The following ITGB2 variants were observed in gnomAD, a reference collection of about 807,000 sequenced individuals.
ITGB2 encodes the protein integrin beta-2.
ITGB2 carries 56 observed loss-of-function variants against 86.8 expected under a neutral mutation model. The ratio of observed to expected loss-of-function variants is 0.65; its 90% CI spans 0.52 to 0.81. ITGB2 has a LOEUF of 0.81. Among genes scored for constraint, ITGB2 ranks in the 30% least tolerant of loss-of-function variants. The probability of loss-of-function intolerance (pLI) is 0.00; values close to 1 mark genes in which losing one functional copy is unlikely to be tolerated. For synonymous variants in ITGB2, 457 were observed against 450.4 expected, an observed-to-expected ratio of 1.01 and a Z score of -0.19; for missense variants, 948 against 1,061.2, an observed-to-expected ratio of 0.89 and a Z score of 1.48.
chr21:44,901,780 G>A lies in ITGB2; in HGVS notation c.500-47C>T, dbSNP rs2083963391. 3.8e-6 allele frequency: 6 copies of A among 1,580,490 alleles called. No individual in the cohort carries two copies. In the South Asian group the frequency reaches 4.6e-5, roughly 12 times the overall value. ...TGGGGAGGTGGCAGGCTGGGCCCAG[G>A]TGGGAGGGCCAGCTTCAAAGGGGCA... On this transcript the variant is annotated intron_variant, in intron 5 of 15. Coordinates refer to ENST00000652462, the MANE Select transcript of ITGB2 (RefSeq NM_000211.5).
At position 44,918,935 on chromosome 21, in the gene ITGB2, A is replaced by AGCATCCCCTCTCCCAGCACTCGGGGCTG. The variant is rs1601334608; in HGVS notation, c.-4+1885_-4+1886insCAGCCCCGAGTGCTGGGAGAGGGGATGC. The stretch of plus-strand genomic sequence containing the variant: ...TTGAGGCAAAGGCCCTTGGGTGGCT[A>AGCATCCCCTCTCCCAGCACTCGGGGCTG]AGCGTCCCCTCTCCCAGCACTCGGA... On this transcript the variant is annotated intron_variant, in intron 1 of 15. Coordinates refer to ENST00000652462, the MANE Select transcript of ITGB2 (RefSeq NM_000211.5). Among the ~76,000 whole-genome samples, 2 of 111,810 alleles carry AGCATCCCCTCTCCCAGCACTCGGGGCTG rather than the reference A, an allele frequency of 1.8e-5. 1 individual carries two copies. The highest frequency in any genetic ancestry group is 3.7e-5 in the Non-Finnish European group (2 of 53,686). 73.4% of individuals were successfully genotyped at this position (111,810 alleles called of 152,430 possible).
At chr21:44,925,422 G>GGGAAGGAAGGAA (rs71334040), upstream of ITGB2, among the ~76,000 whole-genome samples, 76 of 54,730 alleles carry the variant, frequency 1.4e-3, no homozygotes, top group East Asian at 1.8e-3. Context: ...GAGGGAGGGA[G>GGGAAGGAAGGAA]GGAAGGAAGG....
intron 5 of ITGB2, 52 bp downstream of exon 5, chr21:44,903,312 TG>T: frequency 6.2e-7 from 1 of 1,607,708 alleles, no homozygotes; most frequent in Non-Finnish European, 8.5e-7. Flanking sequence ...CAGGCAGGAG[TG>T]GCCAGGGTCT....
intron 5 of ITGB2, among the ~76,000 whole-genome samples, 190 bp downstream of exon 5, chr21:44,903,175 A>G (rs1347985931): frequency 3.9e-5 from 6 of 152,214 alleles, no homozygotes; most frequent in Non-Finnish European, 5.9e-5. Context: ...TTGGGGAGCC[A>G]GGGACTGGGT....
chr21:44,902,573 G>C (rs927004175), intron 5 of ITGB2, among the ~76,000 whole-genome samples: 9 of 151,940 alleles, frequency 5.9e-5, no homozygotes, highest in African/African-American at 2.2e-4. Flanking sequence ...TTGAGTTTGG[G>C]TGTGCTTTTG....
At chr21:44,907,546 A>G (rs2084062098) in intron 3 of ITGB2, among the ~76,000 whole-genome samples, 2 of 152,220 alleles carry the variant, frequency 1.3e-5, no homozygotes, top group South Asian at 2.1e-4. Context: ...CAAGCCCCTC[A>G]AAGTTTAGAA....
chr21:44,908,875 G>T (rs1053112306), intron 3 of ITGB2, among the ~76,000 whole-genome samples: 5 of 152,194 alleles, frequency 3.3e-5, no homozygotes, highest in African/African-American at 1.2e-4. Context: ...GGTAGAACGG[G>T]GATGCATGGA....
At chr21:44,916,593 C>T (rs574692161) in intron 1 of ITGB2, among the ~76,000 whole-genome samples, 6 of 152,218 alleles carry the variant, frequency 3.9e-5, no homozygotes, top group East Asian at 3.9e-4. Flanking sequence ...GGAGGCCGGG[C>T]ATGGTGGCTC....
At chr21:44,889,039 A>T in intron 13 of ITGB2, 144 bp from the exon 14 acceptor site, 1 of 723,668 alleles carries the variant, frequency 1.4e-6, no homozygotes, top group Non-Finnish European at 2.4e-6. Flanking sequence ...AGTGGGGCAG[A>T]TGCGGGTGCA....
At chr21:44,893,191 AG>A in intron 10 of ITGB2, 1 of 560,738 alleles carries the variant, frequency 1.8e-6, no homozygotes, top group African/African-American at 1.9e-5. Flanking sequence ...GGAAAGAAAC[AG>A]GGTCCTTCCA....
At chr21:44,894,489 G>T in intron 9 of ITGB2, 1 of 235,722 alleles carries the variant, frequency 4.2e-6, no homozygotes, top group Non-Finnish European at 8.6e-6. Context: ...CCAGGGTGCA[G>T]CTCGATGGGC....
chr21:44,905,713 G>T (rs919526344), intron 4 of ITGB2, among the ~76,000 whole-genome samples: 2 of 152,148 alleles, frequency 1.3e-5, no homozygotes, highest in Non-Finnish European at 2.9e-5. Flanking sequence ...TACCACCAGG[G>T]TGGGGTTTTG....
At chr21:44,894,425 C>T (rs2083833866) in intron 9 of ITGB2, 7 of 190,296 alleles carry the variant, frequency 3.7e-5, no homozygotes, top group Admixed American at 2.1e-4. Context: ...GCACCTAGTG[C>T]GCACCTATGC....
At chr21:44,917,635 C>CCTCT (rs1445000533) in intron 1 of ITGB2, among the ~76,000 whole-genome samples, 1 of 152,138 alleles carries the variant, frequency 6.6e-6, no homozygotes, top group Non-Finnish European at 1.5e-5. Flanking sequence ...GGCTTGCCAG[C>CCTCT]CTCTCCTCTA....
chr21:44,902,659 G>T (rs111306872), intron 5 of ITGB2, among the ~76,000 whole-genome samples: 2 of 151,250 alleles, frequency 1.3e-5, no homozygotes, highest in African/African-American at 4.9e-5. Context: ...GTGTGCATTC[G>T]CATGTGTGAG....
chr21:44,920,967 G>A (rs1323541410), upstream of ITGB2: 1 of 152,336 alleles, frequency 6.6e-6, no homozygotes, highest in Non-Finnish European at 1.5e-5. Context: ...CTCCTCCTTG[G>A]AGGAAGTGGT....
rs755313892 is a variant in ITGB2, at chr21:44,926,423, G to A, written c.-4+2231C>T. 3.9e-5 allele frequency among the ~76,000 whole-genome samples: 6 copies of A among 152,224 alleles called. No homozygotes were observed. In the South Asian group the frequency reaches 1.2e-3, roughly 31 times the overall value. On this transcript the variant is annotated intron_variant, in intron 1 of 15. Transcript: ENST00000355153. Reference sequence around the variant, plus strand: ...GAAAAATCACAGGCTCCACGGAGCCGGGAGGCCTGCTGCCCTGCCCTCTTG... The same window carrying A: ...GAAAAATCACAGGCTCCACGGAGCCAGGAGGCCTGCTGCCCTGCCCTCTTG...
At chr21:44,888,377 G>A (rs563980560) in intron 14 of ITGB2, among the ~76,000 whole-genome samples, 2 of 152,268 alleles carry the variant, frequency 1.3e-5, no homozygotes, top group Non-Finnish European at 2.9e-5. Flanking sequence ...GGCATCCAGC[G>A]GGAGATGGCC....
chr21:44,895,508 C>T (rs55965820), intron 8 of ITGB2, among the ~76,000 whole-genome samples: 37,059 of 151,638 alleles, frequency 0.24, 4,717 homozygotes, highest in Middle Eastern at 0.37. Flanking sequence ...CCAGCCTGGG[C>T]GACAGAGCAA....
Sources: allele counts gnomAD v4.1 joint callset (sites outside exome capture counted in the v4.1 genomes callset), GRCh38; gene constraint gnomAD v4.1.1; transcripts MANE v1.5; gene names NCBI Gene and HGNC (gene_info 2026-07-23, HGNC 2026-07-21).